ESYT3: variants seen among roughly 807,000 people sequenced by gnomAD.
The protein encoded by ESYT3 is extended synaptotagmin-3.
Under a neutral mutation model 111.5 loss-of-function variants are expected in ESYT3, and 101 were observed. That is an observed-to-expected ratio of 0.91 (90% CI 0.77 to 1.07). The LOEUF (loss-of-function observed/expected upper bound fraction) is 1.07, where lower values mean the gene tolerates loss of function less well. Among genes scored for constraint, ESYT3 ranks in the 50% least tolerant of loss-of-function variants. The pLI is 0.00. For missense variants in ESYT3, 1,097 were observed against 1,109.4 expected, an observed-to-expected ratio of 0.99 and a Z score of 0.16; for synonymous variants, 416 against 446.8, an observed-to-expected ratio of 0.93 and a Z score of 0.87.
rs771581298 is a variant in ESYT3 at position 138,468,673 on chromosome 3, A to G, written c.1327A>G (p.Thr443Ala). ...VLTEDHGGLS[T>A]AILVVFLESA... Reference sequence around the variant, plus strand: ...TTTGCAGGACCATGGTGGCCTTTCCACTGCCATTCTCGTGGTCTTCTTGGA... The same window carrying G: ...TTTGCAGGACCATGGTGGCCTTTCCGCTGCCATTCTCGTGGTCTTCTTGGA... Residue 443 changes from threonine to alanine, a missense_variant, in exon 13 of 23, where the codon ACT becomes GCT. Transcript: ENST00000389567. The G allele has an allele frequency of 3.1e-6, 5 of 1,614,038 alleles. No homozygotes were observed. Among genetic ancestry groups the G allele is most frequent in the Non-Finnish European group, 2.5e-6 (3 of 1,180,004 alleles).
rs1299847039 is a variant in ESYT3, at chr3:138,435,748, G to T, written c.327+623G>T. 2.0e-5 allele frequency among the ~76,000 whole-genome samples: 3 copies of T among 152,188 alleles called. No individual in the cohort carries two copies. The highest frequency in any genetic ancestry group is 4.4e-5 in the Non-Finnish European group (3 of 68,036). On this transcript the variant is annotated intron_variant, in intron 1 of 22. Coordinates refer to ENST00000389567, the MANE Select transcript of ESYT3 (RefSeq NM_031913.5). This position sits in a 1 kb window ranked among gnomAD's most constrained non-coding sequence, Gnocchi z 4.8. ...TGCCCCGACAAACCCATCTCCTGGG[G>T]CGGCATGGGCGGCACTACGATTCCT...
intron 1 of ESYT3, among the ~76,000 whole-genome samples, chr3:138,443,697 T>C (rs1302743739): frequency 1.3e-5 from 2 of 150,848 alleles, no homozygotes; most frequent in East Asian, 3.9e-4. Context: ...TTAGTTTGTG[T>C]GTGTCTGCGT....
At position 138,435,069 on chromosome 3, in the gene ESYT3, G is replaced by A. The variant is rs2108585320; in HGVS notation, c.271G>A (p.Asp91Asn). 1 of 1,594,190 alleles carries A rather than the reference G, an allele frequency of 6.3e-7. No homozygotes were observed. The highest frequency in any genetic ancestry group is 8.5e-7 in the Non-Finnish European group (1 of 1,172,760). Residue 91 changes from aspartate (D) to asparagine (N), a missense_variant, in exon 1 of 23, where the codon GAC becomes AAC. Coordinates refer to ENST00000389567, the MANE Select transcript of ESYT3 (RefSeq NM_031913.5). The surrounding 1 kb of genome is among the most constrained non-coding windows in gnomAD (Gnocchi z 4.8). Reference protein sequence around the residue: ...GRLAAAFEFLDNEREFISREL... With the variant: ...GRLAAAFEFLNNEREFISREL... ...CCTGGCCGCCGCCTTCGAATTCCTT[G>A]ACAATGAACGCGAGTTCATCAGCCG... is the stretch of plus-strand genomic sequence containing the variant.
At chr3:138,462,750 C>T (rs1249392212) in intron 8 of ESYT3, among the ~76,000 whole-genome samples, 1 of 152,164 alleles carries the variant, frequency 6.6e-6, no homozygotes, top group African/African-American at 2.4e-5. Flanking sequence ...GCAGCCTCCA[C>T]CTCCTGGGCT....
rs6772467 is a variant in ESYT3 at position 138,468,132 on chromosome 3, G to A, written c.1246G>A (p.Gly416Arg). The A allele has an allele frequency of 5.2e-3, 8,424 of 1,614,134 alleles. 27 individuals are homozygous for A. Among genetic ancestry groups the A allele is most frequent in the South Asian group, 6.4e-3 (585 of 91,082 alleles). Residue 416 changes from glycine (G) to arginine (R), a missense_variant, in exon 12 of 23, where the codon GGG (glycine) becomes AGG (arginine). By Grantham distance (125) the Gly-to-Arg change is moderately radical. Coordinates refer to ENST00000389567, the MANE Select transcript of ESYT3 (RefSeq NM_031913.5). ...EWFVLNDTTS[G>R]RLHLRLEWLS... ...GTTTGTCCTGAATGACACAACCAGC[G>A]GGCGGCTGCACCTGCGGCTGGAGTG...
At position 138,474,534 on chromosome 3, in the gene ESYT3, A is replaced by G. The variant is rs908541813; in HGVS notation, c.2468+182A>G. On this transcript the variant is annotated intron_variant, in intron 20 of 22. Transcript: ENST00000389567. Reference sequence around the variant, plus strand: ...GGAAAATGGAGTGCCAGAGAAGTTTATCAAAATGGCCACCTACATTTACTG... The same window carrying G: ...GGAAAATGGAGTGCCAGAGAAGTTTGTCAAAATGGCCACCTACATTTACTG... 8.7e-6 allele frequency: 5 copies of G among 575,882 alleles called. No homozygotes were observed. In the East Asian group the frequency reaches 1.7e-4, roughly 19 times the overall value. 35.7% of individuals were successfully genotyped at this position (575,882 alleles called of 1,614,324 possible). A position where few individuals can be genotyped will look rare whatever the true frequency, so the allele number is the denominator to read the frequency against.
At chr3:138,451,560 A>G (rs2031929083) in intron 1 of ESYT3, among the ~76,000 whole-genome samples, 1 of 152,206 alleles carries the variant, frequency 6.6e-6, no homozygotes, top group Admixed American at 6.5e-5. Flanking sequence ...GGGGGTTTCC[A>G]GGTTGGGGGT....
At chr3:138,464,860 A>G (rs2032844205) in intron 9 of ESYT3, among the ~76,000 whole-genome samples, 1 of 152,162 alleles carries the variant, frequency 6.6e-6, no homozygotes, top group African/African-American at 2.4e-5. Context: ...AATCCCTACT[A>G]TTTGAAGGGT....
At chr3:138,439,454 C>T (rs1463785984) in intron 1 of ESYT3, among the ~76,000 whole-genome samples, 4 of 152,168 alleles carry the variant, frequency 2.6e-5, no homozygotes, top group African/African-American at 9.7e-5. Flanking sequence ...ATCTTCAGAG[C>T]CCATCCTTCG....
chr3:138,474,462 C>G, intron 20 of ESYT3, 110 bp downstream of exon 20: 1 of 1,241,236 alleles, frequency 8.1e-7, no homozygotes, highest in Non-Finnish European at 1.1e-6. Context: ...TATGGCTGAA[C>G]AAGACAACAT....
chr3:138,467,801 G>T (rs942566841), intron 11 of ESYT3, among the ~76,000 whole-genome samples, 192 bp downstream of exon 11: 1 of 152,182 alleles, frequency 6.6e-6, no homozygotes, highest in African/African-American at 2.4e-5. Context: ...GCTGGAAGAA[G>T]TTTCCCTGGG....
At position 138,470,884 on chromosome 3, in the gene ESYT3, A is replaced by T. The variant is rs944033014; in HGVS notation, c.1598A>T (p.Asp533Val). 6.2e-7 allele frequency: 1 copy of T among 1,613,966 alleles called. No homozygotes were observed. The change falls in exon 17 of 23, where the codon GAT becomes GTT. Residue 533 changes from aspartate to valine, a missense_variant. Physicochemically the swap from Asp to Val is radical, Grantham distance 152 (BLOSUM62 -3). Coordinates refer to ENST00000389567, the MANE Select transcript of ESYT3 (RefSeq NM_031913.5). Reference sequence around the variant, plus strand: ...GACTGGACCACTGCCCAGGTGCTTGATGATGACCAGGAGTGTGCTCTGGGA... The same window carrying T: ...GACTGGACCACTGCCCAGGTGCTTGTTGATGACCAGGAGTGTGCTCTGGGA... ...ATERLHLKVL[D>V]DDQECALGML... is the part of the protein sequence containing the mutation.
chr3:138,480,755 A>G (rs2033674008), downstream of ESYT3: 1 of 152,206 alleles, frequency 6.6e-6, no homozygotes, highest in Non-Finnish European at 1.5e-5. Context: ...AGCCCAATAA[A>G]TCAACAGGTT....
chr3:138,471,046 TG>T lies in ESYT3; in HGVS notation c.1740+25del, dbSNP rs1576465142. 2 of 1,593,876 alleles carry T rather than the reference TG, an allele frequency of 1.3e-6. No individual in the cohort carries two copies. Among genetic ancestry groups the T allele is most frequent in the African/African-American group, 1.3e-5 (1 of 74,516 alleles). Reference sequence around the variant, plus strand: ...CTTCGGGTAAATCTCTCCGGTCCCCTGGGGGAGGGGAGGAATAGAGCTCTGG... The same window carrying T: ...CTTCGGGTAAATCTCTCCGGTCCCCTGGGGAGGGGAGGAATAGAGCTCTGG... On this transcript the variant is annotated intron_variant, in intron 17 of 22. Coordinates refer to ENST00000389567, the MANE Select transcript of ESYT3 (RefSeq NM_031913.5).
chr3:138,470,733 A>T, intron 16 of ESYT3, 144 bp from the exon 17 acceptor site: 1 of 1,503,374 alleles, frequency 6.7e-7, no homozygotes, highest in Non-Finnish European at 8.8e-7. Context: ...GCCTGATCCC[A>T]TTCTAGTTTT....
intron 2 of ESYT3, among the ~76,000 whole-genome samples, chr3:138,454,802 T>G (rs2032170239): frequency 6.6e-6 from 1 of 152,230 alleles, no homozygotes; most frequent in Non-Finnish European, 1.5e-5. Flanking sequence ...AACTTTCTCT[T>G]CTGTAATTTT....
rs1322752627 is a variant in ESYT3, at chr3:138,471,015, C to G, written c.1729C>G (p.Leu577Val). ...CCTGGACAGCCTCATCTCCATGAGG[C>G]TGGTGCTTCGGGTAAATCTCTCCGG... ...SGLDSLISMR[L>V]VLRFLQVEER... Residue 577 changes from leucine to valine, a missense_variant, in exon 17 of 23, where the codon CTG becomes GTG. Leu to Val is a conservative substitution (Grantham distance 32). Transcript: ENST00000389567. 2 of 1,613,896 alleles carry G rather than the reference C, an allele frequency of 1.2e-6. No homozygotes were observed. The highest frequency in any genetic ancestry group is 8.5e-7 in the Non-Finnish European group (1 of 1,179,920).
At chr3:138,461,800 CCTTGCT>C (rs1273615839) in intron 7 of ESYT3, among the ~76,000 whole-genome samples, 1 of 152,166 alleles carries the variant, frequency 6.6e-6, no homozygotes, top group Admixed American at 6.5e-5. Flanking sequence ...CAGGCTTCAG[CCTTGCT>C]CTTAGCCACT....
intron 16 of ESYT3, chr3:138,470,358 C>G: frequency 3.9e-6 from 5 of 1,267,580 alleles, no homozygotes; most frequent in Non-Finnish European, 4.0e-6. Flanking sequence ...AGGATAAATC[C>G]TCAAGTCCCT....
Sources: gnomAD v4.1 joint callset for allele counts (sites outside exome capture counted in the v4.1 genomes callset) on GRCh38, gnomAD v4.1.1 for gene constraint, Gnocchi (gnomAD v3.1) non-coding constraint, MANE v1.5 for transcripts, NCBI Gene and HGNC (gene_info 2026-07-23, HGNC 2026-07-21) for gene names.